The following MCF2 variants were observed in gnomAD, a reference collection of about 807,000 sequenced individuals.
The protein encoded by MCF2 is proto-oncogene DBL.
A neutral mutation model predicts 82.5 loss-of-function variants in MCF2; 44 were observed. That is an observed-to-expected ratio of 0.53 (90% CI 0.42 to 0.69). The LOEUF (loss-of-function observed/expected upper bound fraction) is 0.69. MCF2 is among the 30% of genes least tolerant of loss of function. The probability of loss-of-function intolerance (pLI) is 0.00; values close to 1 mark genes in which losing one functional copy is unlikely to be tolerated. For synonymous variants in MCF2, 217 were observed against 224.9 expected (o/e 0.96, Z 0.32); for missense variants, 623 against 663.1 (o/e 0.94, Z 0.66).
intron 19 of MCF2, 102 bp from the exon 24 acceptor site, chrX:139,590,029 G>C: frequency 4.2e-6 from 2 of 480,101 alleles, no homozygotes; most frequent in Non-Finnish European, 6.9e-6. Flanking sequence ...ATTTCTCTTG[G>C]GCAGAAAAAT....
chrX:139,613,310 A>G lies in MCF2; in HGVS notation c.1363+1571T>C, dbSNP rs1227033953. On this transcript the variant is annotated intron_variant, in intron 10 of 24. Coordinates refer to ENST00000370576, the Ensembl canonical transcript of MCF2. Reference sequence around the variant, plus strand: ...CCATTAAATAAGAATATCAGAAAAAAATGAAACAATACAAAACAAAATGTG... The same window carrying G: ...CCATTAAATAAGAATATCAGAAAAAGATGAAACAATACAAAACAAAATGTG... 5 of 983,126 alleles carry G rather than the reference A, an allele frequency of 5.1e-6. No homozygotes were observed. The East Asian group carries it at 1.7e-4, about 33-fold the overall frequency. The allele number at this position is 983,126 out of a possible 1,213,427, so 81.0% of individuals were successfully genotyped here. A position where few individuals can be genotyped will look rare whatever the true frequency, so the allele number is the denominator to read the frequency against.
exon 10 of MCF2, chrX:139,614,916 A>G (rs754885951): frequency 8.3e-7 from 1 of 1,210,126 alleles, no homozygotes; most frequent in Admixed American, 2.2e-5. Flanking sequence ...CCCAGATGTG[A>G]CCAAATTTTC....
intron 16 of MCF2, 46 bp from the exon 21 acceptor site, chrX:139,598,544 AC>A (rs1780803623): frequency 1.4e-6 from 1 of 732,045 alleles, no homozygotes; most frequent in South Asian, 2.8e-5. Flanking sequence ...TAAGACATGT[AC>A]CTGTGAAAAT....
At chrX:139,630,845 G>T (rs1182282506) in intron 3 of MCF2, among the ~76,000 whole-genome samples, 3 of 112,048 alleles carry the variant, frequency 2.7e-5, no homozygotes, top group East Asian at 2.8e-4. Flanking sequence ...AAATTTAAAT[G>T]CCTCAGAAGC....
intron 15 of MCF2, among the ~76,000 whole-genome samples, chrX:139,604,253 C>T (rs1275661821): frequency 9.1e-6 from 1 of 109,957 alleles, no homozygotes; most frequent in Non-Finnish European, 1.9e-5. Context: ...CAGACTAGAT[C>T]CAATTCTAAA....
At chrX:139,635,603 T>G (rs1355884914) in intron 1 of MCF2, among the ~76,000 whole-genome samples, 1 of 110,623 alleles carries the variant, frequency 9.0e-6, no homozygotes, top group Non-Finnish European at 1.9e-5. Flanking sequence ...GCTGTGGTGA[T>G]CTGAGATTAT....
chrX:139,598,779 T>C (rs1298243372), intron 16 of MCF2, among the ~76,000 whole-genome samples: 2 of 111,829 alleles, frequency 1.8e-5, no homozygotes, highest in Admixed American at 1.9e-4. Flanking sequence ...GCTTAAAAGG[T>C]GTGAAAGCAG....
chrX:139,693,983 A>G (rs1471359256), intron 1 of MCF2, among the ~76,000 whole-genome samples: 2 of 112,183 alleles, frequency 1.8e-5, no homozygotes, highest in African/African-American at 3.2e-5. Flanking sequence ...AACACTATAC[A>G]TGTGTATGGG....
chrX:139,638,738 C>T (rs760292286), intron 1 of MCF2, among the ~76,000 whole-genome samples: 1 of 111,801 alleles, frequency 8.9e-6, no homozygotes, highest in Non-Finnish European at 1.9e-5. Flanking sequence ...CAATTTGCAA[C>T]CTCTGAACCA....
At chrX:139,665,638 T>G (rs563287207) in intron 1 of MCF2, among the ~76,000 whole-genome samples, 10 of 109,914 alleles carry the variant, frequency 9.1e-5, no homozygotes, top group African/African-American at 3.0e-4. Context: ...AACCTGGTAT[T>G]ATGAATGCTC....
At chrX:139,701,087 GA>G (rs1487673564) in intron 1 of MCF2, among the ~76,000 whole-genome samples, 1 of 111,913 alleles carries the variant, frequency 8.9e-6, no homozygotes, top group East Asian at 2.8e-4. Flanking sequence ...CTTTTCAGGG[GA>G]AATTGAAGGC....
chrX:139,645,771 C>T (rs1383496459), upstream of MCF2: 1 of 465,366 alleles, frequency 2.1e-6, no homozygotes, highest in Non-Finnish European at 3.8e-6. Flanking sequence ...TGACTGAAGA[C>T]AGATTTGGAA....
intron 1 of MCF2, among the ~76,000 whole-genome samples, chrX:139,634,615 A>G (rs898342846): frequency 8.9e-6 from 1 of 112,242 alleles, no homozygotes; most frequent in Admixed American, 9.4e-5. Context: ...AACAATGATT[A>G]TCAATATACA....
rs907502303 is a variant in MCF2, at chrX:139,641,694, A to T, written c.51+774T>A. ...AAGAGTGGCATTTAAAGCCTTTTTG[A>T]TGATTAGTTTTTTATTAAATTAGCT... On this transcript the variant is annotated intron_variant, in intron 1 of 24. Coordinates refer to ENST00000370576, the Ensembl canonical transcript of MCF2. 2.7e-5 allele frequency among the ~76,000 whole-genome samples: 3 copies of T among 111,278 alleles called. No homozygotes were observed. In the South Asian group the frequency reaches 1.1e-3, roughly 42 times the overall value.
At chrX:139,585,932 CTATT>C (rs1188302580) in intron 23 of MCF2, among the ~76,000 whole-genome samples, 1 of 112,197 alleles carries the variant, frequency 8.9e-6, no homozygotes, top group East Asian at 2.8e-4. Context: ...TGACTCTTCT[CTATT>C]CATTAAACCA....
chrX:139,658,470 T>C (rs964758671), intron 1 of MCF2, among the ~76,000 whole-genome samples: 2 of 110,734 alleles, frequency 1.8e-5, no homozygotes, highest in African/African-American at 6.6e-5. Flanking sequence ...TATTGTCTCA[T>C]TATGTGACAA....
intron 1 of MCF2, among the ~76,000 whole-genome samples, chrX:139,669,598 T>A (rs185720261): frequency 8.9e-6 from 1 of 112,187 alleles, no homozygotes; most frequent in Admixed American, 9.5e-5. Flanking sequence ...TATACACAAA[T>A]GTTAATAGCC....
At chrX:139,582,604 G>A in intron 24 of MCF2, 101 bp from the exon 29 acceptor site, 1 of 541,593 alleles carries the variant, frequency 1.8e-6, no homozygotes, top group Non-Finnish European at 3.2e-6. Flanking sequence ...AGGGAAGAAG[G>A]GTGTATGGAA....
chrX:139,660,039 C>T (rs766250940), intron 1 of MCF2, among the ~76,000 whole-genome samples: 21 of 111,808 alleles, frequency 1.9e-4, no homozygotes, highest in Non-Finnish European at 3.2e-4. Flanking sequence ...TCATACCATT[C>T]ATACATACCA....
Sources: gnomAD v4.1 joint callset for allele counts (sites outside exome capture counted in the v4.1 genomes callset) on GRCh38, gnomAD v4.1.1 for gene constraint, MANE v1.5 for transcripts, NCBI Gene and HGNC (gene_info 2026-07-23, HGNC 2026-07-21) for gene names.